Variants in ADCY2 observed in about 807,000 individuals in gnomAD.
The protein encoded by ADCY2 is adenylate cyclase 2.
A neutral mutation model predicts 125.2 loss-of-function variants in ADCY2; 31 were observed. The observed-to-expected ratio is 0.25, with a 90% CI of 0.19 to 0.33. ADCY2 has a LOEUF of 0.33. Among genes scored for constraint, ADCY2 ranks in the 10% least tolerant of loss-of-function variants. ADCY2 has a pLI of 1.00. For missense variants in ADCY2, 904 were observed against 1,418.2 expected, an observed-to-expected ratio of 0.64 and a Z score of 5.82; for synonymous variants, 512 against 548.4, an observed-to-expected ratio of 0.93 and a Z score of 0.93.
At chr5:7,427,751 G>A (rs975344836) in intron 2 of ADCY2, among the ~76,000 whole-genome samples, 7 of 152,096 alleles carry the variant, frequency 4.6e-5, no homozygotes, top group African/African-American at 1.7e-4. Flanking sequence ...TTGTTTTGGT[G>A]GGGAAGGGGA....
chr5:7,656,922 G>A (rs371906824), intron 4 of ADCY2, among the ~76,000 whole-genome samples: 7 of 152,142 alleles, frequency 4.6e-5, no homozygotes, highest in South Asian at 2.1e-4. Flanking sequence ...CTTCCGAATC[G>A]GAAACTTTCT....
chr5:7,404,107 T>C (rs1435359297), intron 1 of ADCY2, among the ~76,000 whole-genome samples: 2 of 152,194 alleles, frequency 1.3e-5, no homozygotes, highest in Admixed American at 1.3e-4. Flanking sequence ...CAATAAGTTG[T>C]TTTTCTAGGA....
At chr5:7,589,524 G>GAAAGAAAA (rs1554022167) in intron 3 of ADCY2, among the ~76,000 whole-genome samples, 1 of 67,868 alleles carries the variant, frequency 1.5e-5, no homozygotes, top group Non-Finnish European at 3.4e-5. Flanking sequence ...AGAAAAGAAA[G>GAAAGAAAA]AGAAAGAAAG....
At chr5:7,528,468 G>A (rs1044252820) in intron 3 of ADCY2, among the ~76,000 whole-genome samples, 2 of 152,178 alleles carry the variant, frequency 1.3e-5, no homozygotes, top group East Asian at 1.9e-4. Context: ...GAGCTGTTTT[G>A]TGGAGGGCAT....
At chr5:7,407,170 A>G (rs1463519044) in intron 1 of ADCY2, among the ~76,000 whole-genome samples, 1 of 152,226 alleles carries the variant, frequency 6.6e-6, no homozygotes, top group Non-Finnish European at 1.5e-5. Flanking sequence ...AGGTCTGGTA[A>G]CAAGACAGCA....
At chr5:7,609,860 C>T (rs1166911254) in intron 3 of ADCY2, among the ~76,000 whole-genome samples, 1 of 152,128 alleles carries the variant, frequency 6.6e-6, no homozygotes, top group African/African-American at 2.4e-5. Flanking sequence ...CCCTGACATA[C>T]AAGCCAGGAA....
rs1042080531 is a variant in ADCY2 at position 7,799,464 on chromosome 5, G to C, written c.2629-2754G>C. The stretch of plus-strand genomic sequence containing the variant: ...ATGGAAGCCCTGAATCTGAGGACCA[G>C]GTGAGCAGTGACCTGAGCTCACCCT... On this transcript the variant is annotated intron_variant, in intron 20 of 24. Transcript: ENST00000338316. 3.3e-5 allele frequency: 5 copies of C among 152,352 alleles called. No homozygotes were observed. In the South Asian group the frequency reaches 8.3e-4, roughly 25 times the overall value. 9.4% of individuals were successfully genotyped at this position (152,352 alleles called of 1,614,324 possible). A position where few individuals can be genotyped will look rare whatever the true frequency, so the allele number is the denominator to read the frequency against.
chr5:7,736,613 T>A (rs2126418797), intron 14 of ADCY2, among the ~76,000 whole-genome samples: 1 of 152,340 alleles, frequency 6.6e-6, no homozygotes, highest in Middle Eastern at 3.4e-3. Context: ...CAGCATATTA[T>A]TATAAAATAG....
intron 3 of ADCY2, chr5:7,522,399 G>A: frequency 6.6e-6 from 1 of 151,796 alleles, no homozygotes; most frequent in Admixed American, 6.6e-5. Context: ...ATCTAGCCTT[G>A]CCTGGGATGA....
intron 2 of ADCY2, among the ~76,000 whole-genome samples, chr5:7,472,383 G>T (rs1742373454): frequency 6.6e-6 from 1 of 151,534 alleles, no homozygotes; most frequent in Non-Finnish European, 1.5e-5. Context: ...GTTTCTTATG[G>T]CTCCTGAAAT....
Position 7,743,729 on chromosome 5 carries a change from G to A in ADCY2, c.1933G>A (p.Val645Ile), listed in dbSNP as rs202064623. The A allele has an allele frequency of 3.2e-5, 51 of 1,613,998 alleles. No individual in the cohort carries two copies. Among genetic ancestry groups the A allele is most frequent in the East Asian group, 2.7e-4 (12 of 44,856 alleles). ...AFLLLAFILF[V>I]CFAGQLLQCS... ...TCTCTTGCTGGCCTTCATCCTCTTC[G>A]TCTGCTTTGCTGGACAGCTTCTGGT... Residue 645 changes from valine (V) to isoleucine (I), a missense_variant, in exon 15 of 25, where the codon GTC (valine) becomes ATC (isoleucine). Coordinates refer to ENST00000338316, the MANE Select transcript of ADCY2 (RefSeq NM_020546.3).
intron 2 of ADCY2, among the ~76,000 whole-genome samples, chr5:7,433,356 G>T (rs192345618): frequency 6.6e-6 from 1 of 152,044 alleles, no homozygotes; most frequent in African/African-American, 2.4e-5. Flanking sequence ...CAGTTGCTGA[G>T]TTTTAAAAAA....
chr5:7,446,052 T>C lies in ADCY2; in HGVS notation c.408+31282T>C, dbSNP rs141268700. On this transcript the variant is annotated intron_variant, in intron 2 of 24. Transcript: ENST00000338316. The stretch of plus-strand genomic sequence containing the variant: ...CGACAGTTGGCATCTGTGCAGTTTT[T>C]CTCACTCTAGTAGGAATCTCTCCAG... Among the ~76,000 whole-genome samples the C allele has an allele frequency of 5.6e-3, 846 of 152,302 alleles. 16 individuals carry two copies. The highest frequency in any genetic ancestry group is 0.024 in the East Asian group (124 of 5,184).
chr5:7,666,616 C>A (rs548449139), intron 4 of ADCY2, among the ~76,000 whole-genome samples: 1 of 152,290 alleles, frequency 6.6e-6, no homozygotes, highest in South Asian at 2.1e-4. Flanking sequence ...GATTCCCATA[C>A]GTAAAGTCCA....
chr5:7,493,392 G>C (rs1251963978), intron 2 of ADCY2, among the ~76,000 whole-genome samples: 1 of 150,840 alleles, frequency 6.6e-6, no homozygotes, highest in East Asian at 1.9e-4. Context: ...AAGAGGACAG[G>C]GGAGTGAAGG....
At chr5:7,535,839 T>C (rs1734795004) in intron 3 of ADCY2, among the ~76,000 whole-genome samples, 1 of 152,170 alleles carries the variant, frequency 6.6e-6, no homozygotes, top group Non-Finnish European at 1.5e-5. Context: ...ACATGACCCA[T>C]AGAAAGTATC....
chr5:7,576,465 G>T (rs1736255274), intron 3 of ADCY2, among the ~76,000 whole-genome samples: 1 of 152,180 alleles, frequency 6.6e-6, no homozygotes, highest in African/African-American at 2.4e-5. Flanking sequence ...GATGTTTTAG[G>T]TGAAACAGGC....
intron 10 of ADCY2, among the ~76,000 whole-genome samples, chr5:7,710,016 C>T (rs1327732990): frequency 6.6e-6 from 1 of 152,164 alleles, no homozygotes; most frequent in Non-Finnish European, 1.5e-5. Context: ...TTAAAACTAT[C>T]TGGGGGTAAA....
chr5:7,546,873 G>C (rs192822172), intron 3 of ADCY2, among the ~76,000 whole-genome samples: 1 of 152,180 alleles, frequency 6.6e-6, no homozygotes, highest in Non-Finnish European at 1.5e-5. Context: ...GCTTTAAATT[G>C]TCACCTCCTT....
Sources: gnomAD v4.1 joint callset for allele counts (sites outside exome capture counted in the v4.1 genomes callset) on GRCh38, gnomAD v4.1.1 for gene constraint, MANE v1.5 for transcripts, NCBI Gene and HGNC (gene_info 2026-07-23, HGNC 2026-07-21) for gene names.